LAMP5: variants seen among roughly 807,000 people sequenced by gnomAD.
The protein encoded by LAMP5 is lysosome-associated membrane glycoprotein 5.
Under a neutral mutation model 30.2 loss-of-function variants are expected in LAMP5, and 36 were observed. That is an observed-to-expected ratio of 1.19 (90% CI 0.91 to 1.57). The LOEUF (loss-of-function observed/expected upper bound fraction) is 1.57, where lower values mean the gene tolerates loss of function less well. Among genes scored for constraint, LAMP5 ranks in the 40% most tolerant of loss-of-function variants. The pLI is 0.00. For synonymous variants in LAMP5, 149 were observed against 134.6 expected (o/e 1.11, Z -0.74); for missense variants, 377 against 354.9 (o/e 1.06, Z -0.50).
chr20:9,527,129 C>T (rs186692134), intron 5 of LAMP5, among the ~76,000 whole-genome samples: 8 of 151,968 alleles, frequency 5.3e-5, no homozygotes, highest in African/African-American at 1.7e-4. Context: ...GATCAGGAAA[C>T]CGAACTGACA....
chr20:9,519,005 C>T (rs1269683571), intron 5 of LAMP5, among the ~76,000 whole-genome samples: 1 of 152,224 alleles, frequency 6.6e-6, no homozygotes, highest in East Asian at 1.9e-4. Flanking sequence ...GGGGACCCAG[C>T]TGTGCTGTGG....
At chr20:9,528,240 A>G (rs910222401) in intron 5 of LAMP5, among the ~76,000 whole-genome samples, 1 of 152,110 alleles carries the variant, frequency 6.6e-6, no homozygotes, top group Admixed American at 6.6e-5. Context: ...CACATGTAGG[A>G]GCTCAATAGA....
chr20:9,514,743 T>A lies in LAMP5; in HGVS notation c.-110T>A. The A allele has an allele frequency of 3.3e-6, 3 of 920,306 alleles. No homozygotes were observed. The highest frequency in any genetic ancestry group is 5.1e-6 in the Non-Finnish European group (3 of 582,650). The allele number at this position is 920,306 out of a possible 1,614,324, so 57.0% of individuals were successfully genotyped here. ...ACGCGCTCCCTCCCTCCCCCTTCTC[T>A]GTCCCCCGCCTCTCGCTCACCCCGG... On this transcript the variant is annotated 5_prime_UTR_variant, in exon 1 of 6. Coordinates refer to ENST00000246070, the MANE Select transcript of LAMP5 (RefSeq NM_012261.4).
intron 5 of LAMP5, among the ~76,000 whole-genome samples, chr20:9,524,476 T>G (rs1278787476): frequency 2.0e-5 from 3 of 148,334 alleles, no homozygotes; most frequent in African/African-American, 4.9e-5. Context: ...AAAATATTGT[T>G]TTTTTTTTTT....
chr20:9,522,422 C>T (rs2045085164), intron 5 of LAMP5, among the ~76,000 whole-genome samples: 1 of 152,184 alleles, frequency 6.6e-6, no homozygotes, highest in Non-Finnish European at 1.5e-5. Context: ...TGTGACTTAC[C>T]TGGCACTTCC....
chr20:9,521,754 C>T (rs762059156), intron 5 of LAMP5, among the ~76,000 whole-genome samples: 1 of 152,092 alleles, frequency 6.6e-6, no homozygotes, highest in Non-Finnish European at 1.5e-5. Flanking sequence ...GGGGATGTGT[C>T]GCTGGGAGGG....
intron 4 of LAMP5, 88 bp from the exon 5 acceptor site, chr20:9,517,952 C>T: frequency 8.4e-7 from 1 of 1,197,560 alleles, no homozygotes; most frequent in Non-Finnish European, 1.2e-6. Context: ...GGTGTGGTGT[C>T]TGGAACTGAG....
chr20:9,514,634 T>G lies in LAMP5; in HGVS notation c.-219T>G. The G allele has an allele frequency of 3.9e-6, 2 of 506,408 alleles. No individual in the cohort carries two copies. The highest frequency in any genetic ancestry group is 3.4e-5 in the East Asian group (1 of 29,204). The allele number at this position is 506,408 out of a possible 1,614,324, so 31.4% of individuals were successfully genotyped here. A position where few individuals can be genotyped will look rare whatever the true frequency, so the allele number is the denominator to read the frequency against. On this transcript the variant is annotated 5_prime_UTR_variant, in exon 1 of 6. Transcript: ENST00000246070. ...CAGCCGTGGACCGCCGTGCGGTCCT[T>G]TCCTCCGCAGTGAGCCGATTTGCTC... is the stretch of plus-strand genomic sequence containing the variant.
intron 5 of LAMP5, among the ~76,000 whole-genome samples, chr20:9,522,995 G>A (rs1363211813): frequency 7.7e-5 from 1 of 12,994 alleles, no homozygotes; most frequent in Non-Finnish European, 1.5e-4. Context: ...TTTTTTTTTT[G>A]AGATGGGAGT....
intron 5 of LAMP5, among the ~76,000 whole-genome samples, chr20:9,529,400 T>G (rs142420136): frequency 1.1e-3 from 172 of 152,360 alleles, no homozygotes; most frequent in African/African-American, 3.8e-3. Flanking sequence ...GATGTTTTGT[T>G]GACATCTGCC....
At chr20:9,524,490 C>T (rs566353244) in intron 5 of LAMP5, among the ~76,000 whole-genome samples, 12 of 145,340 alleles carry the variant, frequency 8.3e-5, no homozygotes, top group East Asian at 2.0e-4. Context: ...TTTTTTTTCC[C>T]GTGGGTCATA....
At chr20:9,528,554 A>T (rs975806976) in intron 5 of LAMP5, among the ~76,000 whole-genome samples, 8 of 152,188 alleles carry the variant, frequency 5.3e-5, no homozygotes, top group African/African-American at 1.9e-4. Flanking sequence ...CCCTGACTTG[A>T]TCATTAAAGT....
chr20:9,515,878 TG>T, intron 2 of LAMP5, 121 bp from the exon 3 acceptor site: 3 of 1,200,572 alleles, frequency 2.5e-6, no homozygotes, highest in Non-Finnish European at 2.3e-6. Context: ...TCCCGGAACC[TG>T]GGATGCGCGC....
intron 5 of LAMP5, among the ~76,000 whole-genome samples, chr20:9,527,903 T>A (rs1053126157): frequency 6.6e-6 from 1 of 152,194 alleles, no homozygotes; most frequent in Non-Finnish European, 1.5e-5. Flanking sequence ...GTGTTCTTGA[T>A]CTAGATGCTG....
chr20:9,520,629 C>T (rs1023841429), intron 5 of LAMP5, among the ~76,000 whole-genome samples: 6 of 151,374 alleles, frequency 4.0e-5, no homozygotes, highest in African/African-American at 1.2e-4. Flanking sequence ...GTGTTTGGAC[C>T]GTGGCCATTG....
intron 5 of LAMP5, among the ~76,000 whole-genome samples, chr20:9,521,405 TTTC>T (rs1257869400): frequency 1.3e-5 from 2 of 152,132 alleles, no homozygotes; most frequent in Non-Finnish European, 2.9e-5. Context: ...AGCTGCAAAT[TTTC>T]TTGTTTAAGC....
intron 4 of LAMP5, among the ~76,000 whole-genome samples, chr20:9,516,833 C>A (rs974095631): frequency 6.6e-6 from 1 of 152,154 alleles, no homozygotes; most frequent in Admixed American, 6.6e-5. Flanking sequence ...ATGGCTCGCA[C>A]GGGATATTCA....
chr20:9,515,663 G>C (rs774879558), intron 2 of LAMP5, 38 bp downstream of exon 2: 2 of 1,602,806 alleles, frequency 1.2e-6, no homozygotes, highest in East Asian at 2.2e-5. Context: ...TGCTCCTAGG[G>C]CTCCAGGGCG....
chr20:9,522,943 A>G (rs1458506395), intron 5 of LAMP5, among the ~76,000 whole-genome samples: 1 of 144,322 alleles, frequency 6.9e-6, no homozygotes, highest in Non-Finnish European at 1.5e-5. Flanking sequence ...ACTTGCACTT[A>G]TAATTTTTTT....
Sources: gnomAD v4.1 joint callset for allele counts (sites outside exome capture counted in the v4.1 genomes callset) on GRCh38, gnomAD v4.1.1 for gene constraint, MANE v1.5 for transcripts, NCBI Gene and HGNC (gene_info 2026-07-23, HGNC 2026-07-21) for gene names.